The following MYT1L variants were observed in gnomAD, a reference collection of about 807,000 sequenced individuals.
MYT1L encodes myelin transcription factor 1 like.
In MYT1L, 12 loss-of-function variants were observed where a neutral mutation model predicts 126.7. The observed-to-expected ratio is 0.09, with a 90% CI of 0.06 to 0.15. The LOEUF (loss-of-function observed/expected upper bound fraction) is 0.15, where lower values mean the gene tolerates loss of function less well. Ranked by LOEUF, MYT1L falls within the 10% of genes least tolerant of loss-of-function variation. The probability of loss-of-function intolerance (pLI) is 1.00; values close to 1 mark genes in which losing one functional copy is unlikely to be tolerated. For missense variants in MYT1L, 979 were observed against 1,585.2 expected, an observed-to-expected ratio of 0.62 and a Z score of 6.49; for synonymous variants, 541 against 604.2, an observed-to-expected ratio of 0.90 and a Z score of 1.53.
At chr2:2,198,044 A>G (rs564637887) in intron 2 of MYT1L, among the ~76,000 whole-genome samples, 3 of 152,060 alleles carry the variant, frequency 2.0e-5, no homozygotes, top group Non-Finnish European at 1.5e-5. Flanking sequence ...TATATAATAT[A>G]TACACACACA....
chr2:2,181,477 A>AT (rs2091518241), intron 2 of MYT1L, among the ~76,000 whole-genome samples: 2 of 152,274 alleles, frequency 1.3e-5, no homozygotes, highest in South Asian at 4.1e-4. Context: ...CCCCGCTCTT[A>AT]AAATATATAG....
chr2:1,868,115 C>T (rs1261055362), intron 18 of MYT1L, among the ~76,000 whole-genome samples: 1 of 152,078 alleles, frequency 6.6e-6, no homozygotes, highest in Non-Finnish European at 1.5e-5. Context: ...TACAGGCGTG[C>T]ACCACCATGC....
chr2:2,011,936 A>G (rs1226583283), intron 4 of MYT1L, among the ~76,000 whole-genome samples: 1 of 152,214 alleles, frequency 6.6e-6, no homozygotes, highest in Non-Finnish European at 1.5e-5. Flanking sequence ...GGATGGCCCC[A>G]GGTGCTAGAC....
In MYT1L at chr2:2,228,240, T is replaced by C. The variant is rs2094066470; in HGVS notation, c.-420-55252A>G. On this transcript the variant is annotated intron_variant, in intron 2 of 24. Transcript: ENST00000647738. The surrounding 1 kb of genome is among the most constrained non-coding windows in gnomAD (Gnocchi z 5.9). The stretch of plus-strand genomic sequence containing the variant: ...TATCAGGTTTGAATATCTGATAAAG[T>C]CATTTAGCTTCATAATTACCTTAAG... 6.6e-6 allele frequency among the ~76,000 whole-genome samples: 1 copy of C among 152,194 alleles called. No individual in the cohort carries two copies. The highest frequency in any genetic ancestry group is 2.1e-4 in the South Asian group (1 of 4,832).
At chr2:1,876,892 C>T (rs893578796) in intron 18 of MYT1L, among the ~76,000 whole-genome samples, 12 of 152,186 alleles carry the variant, frequency 7.9e-5, no homozygotes, top group Admixed American at 1.3e-4. Flanking sequence ...ACTATGTGTC[C>T]GCCGTCTCCC....
intron 3 of MYT1L, among the ~76,000 whole-genome samples, chr2:2,167,451 T>C (rs1204620629): frequency 6.6e-6 from 1 of 152,148 alleles, no homozygotes; most frequent in Non-Finnish European, 1.5e-5. Flanking sequence ...TGTCAACAGC[T>C]CCCTGTCCTC....
At chr2:1,957,818 A>G (rs1353027884) in intron 8 of MYT1L, among the ~76,000 whole-genome samples, 1 of 152,198 alleles carries the variant, frequency 6.6e-6, no homozygotes, top group African/African-American at 2.4e-5. Flanking sequence ...CACCAGAGAA[A>G]AATCATCCTG....
chr2:2,275,038 C>A (rs1047572797), intron 2 of MYT1L, among the ~76,000 whole-genome samples: 3 of 152,088 alleles, frequency 2.0e-5, no homozygotes, highest in Non-Finnish European at 4.4e-5. Context: ...TGAGCAAGTG[C>A]GGTAGAGTCA....
intron 2 of MYT1L, among the ~76,000 whole-genome samples, chr2:2,262,266 A>G (rs1388334347): frequency 6.6e-6 from 1 of 152,202 alleles, no homozygotes; most frequent in African/African-American, 2.4e-5. Context: ...AATTATTTAT[A>G]AAATATCCAA....
intron 21 of MYT1L, among the ~76,000 whole-genome samples, chr2:1,818,301 G>A (rs1464946292): frequency 2.0e-5 from 3 of 152,146 alleles, no homozygotes; most frequent in Non-Finnish European, 4.4e-5. Context: ...AAAGAGCTGC[G>A]GGTGGGAAGA....
rs141343962 is a variant in MYT1L, at chr2:2,133,946, G to A, written c.-304+38926C>T. Reference sequence around the variant, plus strand: ...ACTTAACAGCACAGTGTTCATCTACGTATGGTGGAAGAGAATGTTGATTCT... The same window carrying A: ...ACTTAACAGCACAGTGTTCATCTACATATGGTGGAAGAGAATGTTGATTCT... On this transcript the variant is annotated intron_variant, in intron 3 of 24. Transcript: ENST00000647738. 2.1e-3 allele frequency among the ~76,000 whole-genome samples: 321 copies of A among 152,286 alleles called. 4 individuals are homozygous for A. The highest frequency in any genetic ancestry group is 7.2e-3 in the African/African-American group (299 of 41,552).
chr2:2,169,826 G>A (rs1048739736), intron 3 of MYT1L, among the ~76,000 whole-genome samples: 3 of 152,068 alleles, frequency 2.0e-5, no homozygotes, highest in South Asian at 2.1e-4. Context: ...GCTTATGCGC[G>A]GTTTTATGGA....
chr2:2,305,355 A>AC (rs1392953258), intron 1 of MYT1L, among the ~76,000 whole-genome samples: 1 of 152,238 alleles, frequency 6.6e-6, no homozygotes, highest in African/African-American at 2.4e-5. Flanking sequence ...TGTGCCCTGA[A>AC]CCAACACTTG....
intron 3 of MYT1L, among the ~76,000 whole-genome samples, chr2:2,159,480 T>G (rs1424873722): frequency 6.6e-6 from 1 of 151,588 alleles, no homozygotes; most frequent in Non-Finnish European, 1.5e-5. Flanking sequence ...TGGTGTGGGA[T>G]CTCGCCTGGC....
chr2:1,864,403 C>T (rs1572983680), intron 18 of MYT1L, among the ~76,000 whole-genome samples: 2 of 152,310 alleles, frequency 1.3e-5, no homozygotes, highest in East Asian at 3.9e-4. Flanking sequence ...CTTGCCGCTC[C>T]CTCCCTGCCA....
chr2:1,969,356 G>A (rs2059632394), intron 8 of MYT1L, among the ~76,000 whole-genome samples: 1 of 152,222 alleles, frequency 6.6e-6, no homozygotes, highest in South Asian at 2.1e-4. Context: ...TGCTCACCCA[G>A]AATAAATTCC....
chr2:1,987,125 C>G (rs922703125), intron 5 of MYT1L, among the ~76,000 whole-genome samples: 3 of 152,094 alleles, frequency 2.0e-5, no homozygotes, highest in Admixed American at 1.3e-4. Context: ...ATTACTTTAT[C>G]TTGCCAGCAA....
At chr2:1,947,920 TG>T (rs144131112) in intron 8 of MYT1L, among the ~76,000 whole-genome samples, 1,598 of 152,250 alleles carry the variant, frequency 0.01, 26 homozygotes, top group African/African-American at 0.037. Flanking sequence ...AGGGTGGTGA[TG>T]TGTAGAGCAC....
chr2:1,955,539 T>C (rs537618245), intron 8 of MYT1L, among the ~76,000 whole-genome samples: 1 of 152,304 alleles, frequency 6.6e-6, no homozygotes, highest in Admixed American at 6.5e-5. Context: ...AGCAAGTTAG[T>C]GCAAGCAAAA....
Sources: allele counts gnomAD v4.1 joint callset (sites outside exome capture counted in the v4.1 genomes callset), GRCh38; gene constraint gnomAD v4.1.1; non-coding constraint Gnocchi (gnomAD v3.1); transcripts MANE v1.5; gene names NCBI Gene and HGNC (gene_info 2026-07-23, HGNC 2026-07-21).